CENPT: variants seen among roughly 807,000 people sequenced by gnomAD.
CENPT encodes centromere protein T, also known as interphase centromere complex protein 22.
A neutral mutation model predicts 59.7 loss-of-function variants in CENPT; 42 were observed. That is an observed-to-expected ratio of 0.70 (90% CI 0.55 to 0.91). The LOEUF is 0.91. Among genes scored for constraint, CENPT ranks in the 40% least tolerant of loss-of-function variants. The pLI is 0.00. For synonymous variants in CENPT, 295 were observed against 289.6 expected (o/e 1.02, Z -0.19); for missense variants, 716 against 713.4 (o/e 1.00, Z -0.04).
At position 67,846,807 on chromosome 16, in the gene CENPT, A is replaced by G. The variant is rs533762162; in HGVS notation, c.-492+594T>C. The stretch of plus-strand genomic sequence containing the variant: ...GCGGGCCGTGTCTGGGCCTCCGCGC[A>G]TAGCACGCCGGGAATTGTAGTTTTC... On this transcript the variant is annotated intron_variant, in intron 1 of 15. Coordinates refer to ENST00000562787, the MANE Select transcript of CENPT (RefSeq NM_025082.4). 3.3e-5 allele frequency: 5 copies of G among 152,444 alleles called. No individual in the cohort carries two copies. In the South Asian group the frequency reaches 6.2e-4, roughly 19 times the overall value. The allele number at this position is 152,444 out of a possible 1,614,324, so 9.4% of individuals were successfully genotyped here. A position where few individuals can be genotyped will look rare whatever the true frequency, so the allele number is the denominator to read the frequency against.
Position 67,842,410 on chromosome 16 carries a change from G to T in CENPT, c.-492+4991C>A. 1 of 469,382 alleles carries T rather than the reference G, an allele frequency of 2.1e-6. No individual in the cohort carries two copies. The highest frequency in any genetic ancestry group is 2.1e-5 in the African/African-American group (1 of 48,290). The allele number at this position is 469,382 out of a possible 1,614,324, so 29.1% of individuals were successfully genotyped here. A position where few individuals can be genotyped will look rare whatever the true frequency, so the allele number is the denominator to read the frequency against. ...TATTCTGGGCACGGGGCGCCGGGCG[G>T]GCCGGCTGCGCCGAGCGGCAGTGGT... On this transcript the variant is annotated intron_variant, in intron 1 of 15. Coordinates refer to ENST00000562787, the MANE Select transcript of CENPT (RefSeq NM_025082.4). The surrounding 1 kb of genome is among the most constrained non-coding windows in gnomAD (Gnocchi z 4.9).
chr16:67,838,444 A>G (rs926365446), intron 1 of CENPT, among the ~76,000 whole-genome samples: 7 of 151,742 alleles, frequency 4.6e-5, no homozygotes, highest in South Asian at 2.1e-4. Flanking sequence ...CAACGTGGTG[A>G]AACCTCATCT....
chr16:67,835,546 C>T lies in CENPT; in HGVS notation c.-379G>A, dbSNP rs2057730184. ...GGTGTAGTGGCACTCACCTATAATT[C>T]CAGCTACTCTGGAAACTGAGGCAGG... is the stretch of plus-strand genomic sequence containing the variant. On this transcript the variant is annotated 5_prime_UTR_variant, in exon 2 of 16. Coordinates refer to ENST00000562787, the MANE Select transcript of CENPT (RefSeq NM_025082.4). 6.6e-6 allele frequency: 1 copy of T among 152,048 alleles called. No homozygotes were observed. Among genetic ancestry groups the T allele is most frequent in the Non-Finnish European group, 1.5e-5 (1 of 68,036 alleles). The allele number at this position is 152,048 out of a possible 1,614,324, so 9.4% of individuals were successfully genotyped here.
Position 67,828,275 on chromosome 16 carries a change from C to A in CENPT, c.1678G>T (p.Ala560Ser). 1 of 1,593,660 alleles carries A rather than the reference C, an allele frequency of 6.3e-7. No individual in the cohort carries two copies. The highest frequency in any genetic ancestry group is 8.6e-7 in the Non-Finnish European group (1 of 1,166,442). ...GTGTTGAAGCCTGGCCACTACTGGG[C>A]AGGGAAGACAGAGTTGCCACTGTAT... ...CAYSGNSVFP[A>S]Q The change falls in exon 16 of 16, where the codon GCC (alanine) becomes TCC (serine). Residue 560 changes from alanine to serine, a missense_variant. By Grantham distance (99) the Ala-to-Ser change is moderately conservative (BLOSUM62 1). Transcript: ENST00000562787.
rs1294275858 is a variant in CENPT, at chr16:67,842,857, C to T, written c.-492+4544G>A. 9 of 1,608,824 alleles carry T rather than the reference C, an allele frequency of 5.6e-6. No individual in the cohort carries two copies. The highest frequency in any genetic ancestry group is 6.8e-6 in the Non-Finnish European group (8 of 1,178,166). ...GACCCGCTGGGGCCGCGGCCGCCCG[C>T]CGCAGGCAGCAGCAGCAACAGCAGC... On this transcript the variant is annotated intron_variant, in intron 1 of 15. Coordinates refer to ENST00000562787, the MANE Select transcript of CENPT (RefSeq NM_025082.4). This position sits in a 1 kb window ranked among gnomAD's most constrained non-coding sequence, Gnocchi z 4.9.
At chr16:67,830,603 G>A (rs1318800347) in intron 10 of CENPT, 55 bp from the exon 11 acceptor site, 5 of 1,585,924 alleles carry the variant, frequency 3.2e-6, no homozygotes, top group Non-Finnish European at 4.3e-6. Flanking sequence ...TCAGGGGCCA[G>A]CTGGCTCTCA....
rs2057774580 is a variant in CENPT, at chr16:67,842,928, AGC to A, written c.-492+4471_-492+4472del. Reference sequence around the variant, plus strand: ...CAGCAGCAGCAGCAGCAACAGCAGCAGCAGCAGCAGCAGCAGCAGCAGTCCTC... The same window carrying A: ...CAGCAGCAGCAGCAGCAACAGCAGCAAGCAGCAGCAGCAGCAGCAGTCCTC... On this transcript the variant is annotated intron_variant, in intron 1 of 15. Coordinates refer to ENST00000562787, the MANE Select transcript of CENPT (RefSeq NM_025082.4). The surrounding 1 kb of genome is among the most constrained non-coding windows in gnomAD (Gnocchi z 4.9). 2.5e-6 allele frequency: 4 copies of A among 1,592,836 alleles called. No homozygotes were observed. The highest frequency in any genetic ancestry group is 1.7e-4 in the Middle Eastern group (1 of 5,996).
chr16:67,833,932 A>G lies in CENPT; in HGVS notation c.-73T>C, dbSNP rs904946839. The G allele has an allele frequency of 9.1e-6, 9 of 986,658 alleles. No individual in the cohort carries two copies. Among genetic ancestry groups the G allele is most frequent in the Non-Finnish European group, 1.1e-5 (8 of 706,924 alleles). The allele number at this position is 986,658 out of a possible 1,614,324, so 61.1% of individuals were successfully genotyped here. On this transcript the variant is annotated 5_prime_UTR_variant, in exon 4 of 16. Coordinates refer to ENST00000562787, the MANE Select transcript of CENPT (RefSeq NM_025082.4). ...GCCTTCCCGCCGCCACAGTTAATGTAACTCTCGCGATGCTCCCGCACAGCC... is the reference window on the plus strand; with the variant it reads ...GCCTTCCCGCCGCCACAGTTAATGTGACTCTCGCGATGCTCCCGCACAGCC...
At chr16:67,839,527 G>A (rs1036151864) in intron 1 of CENPT, among the ~76,000 whole-genome samples, 3 of 151,776 alleles carry the variant, frequency 2.0e-5, no homozygotes, top group Admixed American at 6.6e-5. Flanking sequence ...ACCACTACAC[G>A]CCAGCCTGGG....
At chr16:67,831,434 T>C (rs887141351) in intron 9 of CENPT, 76 bp from the exon 10 acceptor site, 2 of 1,576,642 alleles carry the variant, frequency 1.3e-6, no homozygotes, top group Admixed American at 1.8e-5. Context: ...CCATCTGCCC[T>C]GGGGCTCTCA....
At chr16:67,836,717 G>A (rs965749426) in intron 1 of CENPT, among the ~76,000 whole-genome samples, 1 of 152,054 alleles carries the variant, frequency 6.6e-6, no homozygotes, top group African/African-American at 2.4e-5. Flanking sequence ...GGGATTACAG[G>A]CATGTGCCAC....
chr16:67,828,447 GCACCCCCA>G lies in CENPT; in HGVS notation c.1562+19_1562+26del. 3 of 1,613,996 alleles carry G rather than the reference GCACCCCCA, an allele frequency of 1.9e-6. No homozygotes were observed. The highest frequency in any genetic ancestry group is 2.5e-6 in the Non-Finnish European group (3 of 1,179,902). ...ATCAGCACCAAAACTCCCCCAGCCA[GCACCCCCA>G]CACCTTCCGCCTTCTCACCGCCGCA... On this transcript the variant is annotated intron_variant, in intron 15 of 15. Transcript: ENST00000562787.
intron 10 of CENPT, 23 bp from the exon 11 acceptor site, chr16:67,830,571 T>C (rs765910018): frequency 2.9e-5 from 47 of 1,610,804 alleles, no homozygotes; most frequent in Non-Finnish European, 4.0e-5. Context: ...TAGTAACAGG[T>C]TCTGAGGCTG....
At chr16:67,835,794 G>C (rs1444824574) in intron 1 of CENPT, 136 bp from the exon 2 acceptor site, 1 of 151,892 alleles carries the variant, frequency 6.6e-6, no homozygotes, top group East Asian at 1.9e-4. Flanking sequence ...CTATCCTTTT[G>C]CAGACATATT....
At chr16:67,836,357 G>A (rs1307497165) in intron 1 of CENPT, among the ~76,000 whole-genome samples, 3 of 152,110 alleles carry the variant, frequency 2.0e-5, no homozygotes, top group Admixed American at 6.5e-5. Flanking sequence ...ACTACACCCG[G>A]CCCCAGCCTG....
At chr16:67,831,497 G>T (rs1197985114) in intron 9 of CENPT, 79 bp downstream of exon 9, 2 of 1,584,916 alleles carry the variant, frequency 1.3e-6, no homozygotes, top group African/African-American at 2.7e-5. Flanking sequence ...AGTATGGGCA[G>T]ATTCCATCCC....
chr16:67,843,491 G>A lies in CENPT; in HGVS notation c.-492+3910C>T, dbSNP rs1237407089. 6.2e-7 allele frequency: 1 copy of A among 1,608,612 alleles called. No individual in the cohort carries two copies. The highest frequency in any genetic ancestry group is 8.5e-7 in the Non-Finnish European group (1 of 1,177,152). ...CATGGCTGTCATCCGCAAGAAGCACGGAATGTGAACTGGTGCCCCGGCAGC... is the reference window on the plus strand; with the variant it reads ...CATGGCTGTCATCCGCAAGAAGCACAGAATGTGAACTGGTGCCCCGGCAGC... On this transcript the variant is annotated intron_variant, in intron 1 of 15. Coordinates refer to ENST00000562787, the MANE Select transcript of CENPT (RefSeq NM_025082.4). This position sits in a 1 kb window ranked among gnomAD's most constrained non-coding sequence, Gnocchi z 5.7.
rs2057675863 is a variant in CENPT, at chr16:67,830,486, G to A, written c.766C>T (p.His256Tyr). The A allele has an allele frequency of 4.3e-6, 7 of 1,614,050 alleles. No individual in the cohort carries two copies. Among genetic ancestry groups the A allele is most frequent in the South Asian group, 3.3e-5 (3 of 91,092 alleles). Residue 256 changes from histidine (H) to tyrosine (Y), a missense_variant, in exon 11 of 16, where the codon CAC becomes TAC. Coordinates refer to ENST00000562787, the MANE Select transcript of CENPT (RefSeq NM_025082.4). ...QPMVGSPNVY[H>Y]SLPCTPHTGA... ...GTGTGAGGCGTGCAGGGCAGGGAGT[G>A]ATACACGTTGGGGGAGCCAACCATG...
intron 1 of CENPT, among the ~76,000 whole-genome samples, chr16:67,841,014 T>C (rs370434102): frequency 0.036 from 113 of 3,130 alleles, no homozygotes; most frequent in African/African-American, 0.074. Flanking sequence ...AAAATACATA[T>C]ATATATATAT....
Sources: gnomAD v4.1 joint callset for allele counts (sites outside exome capture counted in the v4.1 genomes callset) on GRCh38, gnomAD v4.1.1 for gene constraint, Gnocchi (gnomAD v3.1) non-coding constraint, MANE v1.5 for transcripts, NCBI Gene and HGNC (gene_info 2026-07-23, HGNC 2026-07-21) for gene names.